Variants in EPS8 observed in about 807,000 individuals in gnomAD.
EPS8 encodes EGFR pathway substrate 8, signaling adaptor.
A neutral mutation model predicts 103.8 loss-of-function variants in EPS8; 42 were observed. The ratio of observed to expected loss-of-function variants is 0.40; its 90% CI spans 0.32 to 0.52. The LOEUF (loss-of-function observed/expected upper bound fraction) is 0.52. Ranked by LOEUF, EPS8 falls within the 20% of genes least tolerant of loss-of-function variation. The pLI is 0.40. For missense variants in EPS8, 969 were observed against 1,005.1 expected (o/e 0.96, Z 0.49); for synonymous variants, 344 against 344.6 (o/e 1.00, Z 0.02).
chr12:15,743,100 C>T (rs1350159254), intron 1 of EPS8, among the ~76,000 whole-genome samples: 1 of 152,172 alleles, frequency 6.6e-6, no homozygotes, highest in Non-Finnish European at 1.5e-5. Flanking sequence ...AAATCACAAG[C>T]ATTCCTATAC....
chr12:15,783,705 T>A, intron 1 of EPS8, among the ~76,000 whole-genome samples: 1 of 143,278 alleles, frequency 7.0e-6, no homozygotes, highest in African/African-American at 2.6e-5. Context: ...AAGAAGCATC[T>A]CTGAGTTAGT....
intron 17 of EPS8, among the ~76,000 whole-genome samples, chr12:15,637,518 T>A (rs923980028): frequency 1.3e-5 from 2 of 152,150 alleles, no homozygotes; most frequent in Non-Finnish European, 2.9e-5. Flanking sequence ...TCAAATGAAT[T>A]TGGATTTGCG....
In EPS8 at chr12:15,746,000, C is replaced by T. The variant is rs1412838084; in HGVS notation, c.-22+43161G>A. 1.3e-5 allele frequency among the ~76,000 whole-genome samples: 2 copies of T among 152,168 alleles called. No homozygotes were observed. Among genetic ancestry groups the T allele is most frequent in the Non-Finnish European group, 2.9e-5 (2 of 68,026 alleles). On this transcript the variant is annotated intron_variant, in intron 1 of 20. Coordinates refer to ENST00000281172, the MANE Select transcript of EPS8 (RefSeq NM_004447.6). This position sits in a 1 kb window ranked among gnomAD's most constrained non-coding sequence, Gnocchi z 4.6. ...AACACACAGCTTTTACATGGGATTG[C>T]ACATTCTATGAACACCTTTATAGGA...
intron 1 of EPS8, among the ~76,000 whole-genome samples, chr12:15,740,119 C>T (rs1002171948): frequency 4.6e-5 from 7 of 151,784 alleles, no homozygotes; most frequent in African/African-American, 1.7e-4. Context: ...GAGCAAAACA[C>T]TAGAAAAAAA....
At position 15,777,277 on chromosome 12, in the gene EPS8, A is replaced by G. The variant is rs1947216420; in HGVS notation, c.-22+11884T>C. On this transcript the variant is annotated intron_variant, in intron 1 of 20. Coordinates refer to ENST00000281172, the MANE Select transcript of EPS8 (RefSeq NM_004447.6). The surrounding 1 kb of genome is among the most constrained non-coding windows in gnomAD (Gnocchi z 4.7). ...GGTACTTACAAAGCAGAATGAAAAA[A>G]AACACACACACACACACAAAACAAA... Among the ~76,000 whole-genome samples the G allele has an allele frequency of 6.6e-6, 1 of 151,908 alleles. No individual in the cohort carries two copies. Among genetic ancestry groups the G allele is most frequent in the South Asian group, 2.1e-4 (1 of 4,824 alleles).
intron 14 of EPS8, among the ~76,000 whole-genome samples, chr12:15,649,046 A>G (rs1287986266): frequency 6.6e-6 from 1 of 152,196 alleles, no homozygotes; most frequent in Admixed American, 6.5e-5. Flanking sequence ...CAAAATCTCA[A>G]GGCATAAAAT....
chr12:15,663,976 T>TATATATATATAC lies in EPS8; in HGVS notation c.736+1779_736+1780insGTATATATATAT, dbSNP rs35142421. Among the ~76,000 whole-genome samples the TATATATATATAC allele has an allele frequency of 5.7e-5, 6 of 104,466 alleles. No individual in the cohort carries two copies. The East Asian group carries it at 1.8e-3, about 31-fold the overall frequency. The allele number at this position is 104,466 out of a possible 152,430, so 68.5% of individuals were successfully genotyped here. A position where few individuals can be genotyped will look rare whatever the true frequency, so the allele number is the denominator to read the frequency against. On this transcript the variant is annotated intron_variant, in intron 8 of 20. Transcript: ENST00000281172. ...ATATATATATATATATATATATATA[T>TATATATATATAC]ACACACACACATATATATATGGTTC...
At chr12:15,632,082 C>T (rs181746688) in intron 17 of EPS8, among the ~76,000 whole-genome samples, 38 of 152,106 alleles carry the variant, frequency 2.5e-4, no homozygotes, top group Admixed American at 5.9e-4. Flanking sequence ...TTTAAATGTA[C>T]GCTATATTCA....
chr12:15,632,659 A>G (rs1324650555), intron 17 of EPS8, among the ~76,000 whole-genome samples: 1 of 152,244 alleles, frequency 6.6e-6, no homozygotes, highest in Non-Finnish European at 1.5e-5. Flanking sequence ...TCCTTTGATT[A>G]GAACAGTATT....
rs56383754 is a variant in EPS8 at position 15,736,666 on chromosome 12, G to A, written c.-22+52495C>T. ...TTAAATTTGAATTTAGGAAGCTAGG[G>A]TTGCTAGATGTGGCAGAAAGAAGAA... On this transcript the variant is annotated intron_variant, in intron 1 of 20. Transcript: ENST00000281172. The surrounding 1 kb of genome is among the most constrained non-coding windows in gnomAD (Gnocchi z 4.2). Among the ~76,000 whole-genome samples, 1,275 of 152,218 alleles carry A rather than the reference G, an allele frequency of 8.4e-3. 5 individuals are homozygous for A. The highest frequency in any genetic ancestry group is 0.013 in the Non-Finnish European group (911 of 68,006).
At chr12:15,710,607 A>C (rs976732237) in intron 1 of EPS8, among the ~76,000 whole-genome samples, 1 of 152,204 alleles carries the variant, frequency 6.6e-6, no homozygotes, top group Non-Finnish European at 1.5e-5. Flanking sequence ...TGTACACACG[A>C]TTCTGTATAA....
At chr12:15,770,650 G>C (rs964657168) in intron 1 of EPS8, among the ~76,000 whole-genome samples, 2 of 152,156 alleles carry the variant, frequency 1.3e-5, no homozygotes, top group Non-Finnish European at 2.9e-5. Flanking sequence ...AGATGTTAAA[G>C]AGCATAATCA....
At chr12:15,648,690 T>C (rs1945361883) in intron 14 of EPS8, among the ~76,000 whole-genome samples, 1 of 152,182 alleles carries the variant, frequency 6.6e-6, no homozygotes, top group African/African-American at 2.4e-5. Flanking sequence ...TTTGCCCAGC[T>C]CTGAACATAA....
rs1946741163 is a variant in EPS8 at position 15,733,752 on chromosome 12, T to A, written c.-21-50780A>T. Reference sequence around the variant, plus strand: ...GCATCATACCACATATATCAAGGCATCCAGATGAATGATTAAAATTCTAGA... The same window carrying A: ...GCATCATACCACATATATCAAGGCAACCAGATGAATGATTAAAATTCTAGA... On this transcript the variant is annotated intron_variant, in intron 1 of 20. Coordinates refer to ENST00000281172, the MANE Select transcript of EPS8 (RefSeq NM_004447.6). This position sits in a 1 kb window ranked among gnomAD's most constrained non-coding sequence, Gnocchi z 4.8. Among the ~76,000 whole-genome samples, 1 of 152,158 alleles carries A rather than the reference T, an allele frequency of 6.6e-6. No homozygotes were observed. Among genetic ancestry groups the A allele is most frequent in the African/African-American group, 2.4e-5 (1 of 41,442 alleles).
At chr12:15,768,639 A>G (rs1947122805) in intron 1 of EPS8, among the ~76,000 whole-genome samples, 1 of 151,944 alleles carries the variant, frequency 6.6e-6, no homozygotes, top group Admixed American at 6.6e-5. Flanking sequence ...CTTTTTCAAT[A>G]TTACTCTCAA....
intron 17 of EPS8, among the ~76,000 whole-genome samples, chr12:15,638,491 A>G (rs1945174834): frequency 6.6e-6 from 1 of 152,214 alleles, no homozygotes; most frequent in Non-Finnish European, 1.5e-5. Context: ...CAACCTGAAC[A>G]GCATACGCTT....
rs946736232 is a variant in EPS8 at position 15,784,707 on chromosome 12, T to C, written c.-22+4454A>G. ...CATGTGAATATTCATAGCAGCTTCG[T>C]TCATACTTGCCAAAAACTGGAAGCA... is the stretch of plus-strand genomic sequence containing the variant. On this transcript the variant is annotated intron_variant, in intron 1 of 20. Coordinates refer to ENST00000281172, the MANE Select transcript of EPS8 (RefSeq NM_004447.6). This position sits in a 1 kb window ranked among gnomAD's most constrained non-coding sequence, Gnocchi z 4.0. Among the ~76,000 whole-genome samples, 2 of 152,176 alleles carry C rather than the reference T, an allele frequency of 1.3e-5. No individual in the cohort carries two copies. The highest frequency in any genetic ancestry group is 4.8e-5 in the African/African-American group (2 of 41,464).
rs1947045727 is a variant in EPS8, at chr12:15,761,877, G to A, written c.-22+27284C>T. 1.3e-5 allele frequency among the ~76,000 whole-genome samples: 2 copies of A among 152,178 alleles called. No homozygotes were observed. The highest frequency in any genetic ancestry group is 4.8e-5 in the African/African-American group (2 of 41,560). On this transcript the variant is annotated intron_variant, in intron 1 of 20. Coordinates refer to ENST00000281172, the MANE Select transcript of EPS8 (RefSeq NM_004447.6). The surrounding 1 kb of genome is among the most constrained non-coding windows in gnomAD (Gnocchi z 4.5). The stretch of plus-strand genomic sequence containing the variant: ...AACTCTCCAGGACACTGAACTAGGT[G>A]AAAATTTCTTGAGTAATACCTCACG...
At chr12:15,682,866 A>G (rs1423126833) in intron 2 of EPS8, 27 bp downstream of exon 2, 1 of 1,186,028 alleles carries the variant, frequency 8.4e-7, no homozygotes, top group East Asian at 2.4e-5. Context: ...CCCCCAAAAC[A>G]TATTAAATAT....
Sources: gnomAD v4.1 joint callset for allele counts (sites outside exome capture counted in the v4.1 genomes callset) on GRCh38, gnomAD v4.1.1 for gene constraint, Gnocchi (gnomAD v3.1) non-coding constraint, MANE v1.5 for transcripts, NCBI Gene and HGNC (gene_info 2026-07-23, HGNC 2026-07-21) for gene names.